LRRC4C: variants seen among roughly 807,000 people sequenced by gnomAD.
LRRC4C encodes leucine-rich repeat-containing protein 4C.
LRRC4C carries 5 observed loss-of-function variants against 33.6 expected under a neutral mutation model. That is an observed-to-expected ratio of 0.15 (90% CI 0.08 to 0.31). The LOEUF (loss-of-function observed/expected upper bound fraction) is 0.31. Among genes scored for constraint, LRRC4C ranks in the 10% least tolerant of loss-of-function variants. The probability of loss-of-function intolerance (pLI) is 1.00; values close to 1 mark genes in which losing one functional copy is unlikely to be tolerated. For synonymous variants in LRRC4C, 329 were observed against 302.0 expected (o/e 1.09, Z -0.93); for missense variants, 560 against 796.7 (o/e 0.70, Z 3.58).
chr11:41,441,097 T>C (rs923159108), intron 1 of LRRC4C, among the ~76,000 whole-genome samples: 1 of 152,150 alleles, frequency 6.6e-6, no homozygotes, highest in Non-Finnish European at 1.5e-5. Flanking sequence ...TTAATATGCA[T>C]GACTAAAGAA....
chr11:41,171,504 A>C (rs1028138311), intron 1 of LRRC4C, among the ~76,000 whole-genome samples: 6 of 151,772 alleles, frequency 4.0e-5, no homozygotes, highest in Non-Finnish European at 8.8e-5. Flanking sequence ...CGGAAGGACA[A>C]AAAACCAAAC....
chr11:41,022,147 T>TATAC (rs2137688709), intron 1 of LRRC4C, among the ~76,000 whole-genome samples: 1 of 146,686 alleles, frequency 6.8e-6, no homozygotes, highest in East Asian at 2.0e-4. Context: ...TTGTTTTATA[T>TATAC]ATATATATAT....
intron 3 of LRRC4C, among the ~76,000 whole-genome samples, chr11:40,639,899 T>A (rs1565588057): frequency 6.6e-6 from 1 of 152,020 alleles, no homozygotes; most frequent in South Asian, 2.1e-4. Flanking sequence ...ACCTAGTGGA[T>A]TAAGCAGGAT....
chr11:40,912,023 C>T (rs988769074), intron 2 of LRRC4C, among the ~76,000 whole-genome samples: 2 of 152,144 alleles, frequency 1.3e-5, no homozygotes, highest in East Asian at 3.9e-4. Context: ...ATGAACAAAC[C>T]CTCCAAGAAA....
chr11:41,046,529 A>G (rs546349862), intron 1 of LRRC4C, among the ~76,000 whole-genome samples: 127 of 152,284 alleles, frequency 8.3e-4, no homozygotes, highest in African/African-American at 2.9e-3. Context: ...AAATGTTATA[A>G]TGATTGGGGA....
chr11:41,066,852 A>G (rs187008094), intron 1 of LRRC4C, among the ~76,000 whole-genome samples: 4 of 152,336 alleles, frequency 2.6e-5, no homozygotes, highest in African/African-American at 9.6e-5. Context: ...TCCTTTCCAG[A>G]CAAGCAAATG....
At chr11:40,359,293 C>T (rs916644953) in intron 3 of LRRC4C, among the ~76,000 whole-genome samples, 2 of 152,210 alleles carry the variant, frequency 1.3e-5, no homozygotes, top group Admixed American at 6.5e-5. Flanking sequence ...GACAAAGCCT[C>T]TGCTCTGGGG....
At chr11:41,432,522 A>C (rs544545336) in intron 1 of LRRC4C, among the ~76,000 whole-genome samples, 2 of 151,876 alleles carry the variant, frequency 1.3e-5, no homozygotes, top group Admixed American at 1.3e-4. Context: ...TAATAAAAGA[A>C]TATTGTAGGT....
intron 2 of LRRC4C, among the ~76,000 whole-genome samples, chr11:40,774,193 G>A (rs573953927): frequency 6.6e-6 from 1 of 151,916 alleles, no homozygotes; most frequent in South Asian, 2.1e-4. Flanking sequence ...ATTTATCCTG[G>A]CTGAATAATA....
At chr11:40,985,168 G>C (rs967673641) in intron 1 of LRRC4C, among the ~76,000 whole-genome samples, 1 of 151,860 alleles carries the variant, frequency 6.6e-6, no homozygotes, top group African/African-American at 2.4e-5. Context: ...GCTTAGTTTA[G>C]CATGAAAACA....
chr11:40,743,094 T>A (rs1948239633), intron 2 of LRRC4C, among the ~76,000 whole-genome samples: 1 of 152,062 alleles, frequency 6.6e-6, no homozygotes, highest in Non-Finnish European at 1.5e-5. Flanking sequence ...AAGATAAAAA[T>A]ATTGTACGAA....
intron 2 of LRRC4C, among the ~76,000 whole-genome samples, chr11:40,825,942 G>A (rs866949984): frequency 3.9e-3 from 152 of 38,622 alleles, no homozygotes; most frequent in Non-Finnish European, 6.1e-3. Context: ...TTGTATTCTG[G>A]GGGGGGGGCG....
At chr11:40,781,956 T>C (rs77789156) in intron 2 of LRRC4C, among the ~76,000 whole-genome samples, 9,542 of 152,278 alleles carry the variant, frequency 0.063, 465 homozygotes, top group African/African-American at 0.14. Context: ...ATACAAAAAA[T>C]GCCATTTGCA....
rs200569543 is a variant in LRRC4C at position 40,839,505 on chromosome 11, CA to C, written c.-407+94129del. 5.1e-3 allele frequency among the ~76,000 whole-genome samples: 780 copies of C among 152,288 alleles called. 1 individual carries two copies. The highest frequency in any genetic ancestry group is 7.3e-3 in the Non-Finnish European group (497 of 68,038). ...AGGTGATCTGCCTGCCTCGGCGTTC[CA>C]AAGTGCTGGGATTACAGGCGTGAGC... is the stretch of plus-strand genomic sequence containing the variant. On this transcript the variant is annotated intron_variant, in intron 2 of 6. Coordinates refer to ENST00000528697, the MANE Select transcript of LRRC4C (RefSeq NM_001258419.2).
intron 1 of LRRC4C, among the ~76,000 whole-genome samples, chr11:41,348,165 G>A (rs1345300647): frequency 6.6e-6 from 1 of 152,158 alleles, no homozygotes; most frequent in Admixed American, 6.5e-5. Context: ...AGATTTCTCA[G>A]CAGTGACAAA....
At chr11:41,458,980 A>G (rs1320349805) in intron 1 of LRRC4C, among the ~76,000 whole-genome samples, 1 of 152,088 alleles carries the variant, frequency 6.6e-6, no homozygotes, top group African/African-American at 2.4e-5. Flanking sequence ...GGGAGGGGGA[A>G]GTCTACTATT....
chr11:40,367,037 G>A (rs961364446), intron 3 of LRRC4C, among the ~76,000 whole-genome samples: 1 of 151,936 alleles, frequency 6.6e-6, no homozygotes, highest in Non-Finnish European at 1.5e-5. Flanking sequence ...ATCTGCTTTG[G>A]GAATGAAGGC....
chr11:41,274,415 C>A (rs1212430847), intron 1 of LRRC4C, among the ~76,000 whole-genome samples: 1 of 151,988 alleles, frequency 6.6e-6, no homozygotes, highest in African/African-American at 2.4e-5. Flanking sequence ...AGGGTGGGAG[C>A]AGCAATGATG....
intron 3 of LRRC4C, among the ~76,000 whole-genome samples, chr11:40,353,351 A>G (rs1046840708): frequency 4.6e-5 from 7 of 152,018 alleles, no homozygotes; most frequent in African/African-American, 7.2e-5. Flanking sequence ...TGCATGATCA[A>G]TTCTGCTCTT....
Sources: allele counts gnomAD v4.1 joint callset (sites outside exome capture counted in the v4.1 genomes callset), GRCh38; gene constraint gnomAD v4.1.1; transcripts MANE v1.5; gene names NCBI Gene and HGNC (gene_info 2026-07-23, HGNC 2026-07-21).